DOCK1: variants seen among roughly 807,000 people sequenced by gnomAD.
The protein encoded by DOCK1 is dedicator of cytokinesis 1.
In DOCK1, 138 loss-of-function variants were observed where a neutral mutation model predicts 262.7. The ratio of observed to expected loss-of-function variants is 0.53; its 90% CI spans 0.46 to 0.61. The LOEUF (loss-of-function observed/expected upper bound fraction) is 0.61, where lower values mean the gene tolerates loss of function less well. DOCK1 is among the 20% of genes least tolerant of loss of function. The pLI is 0.00. For missense variants in DOCK1, 1,908 were observed against 2,370.7 expected (o/e 0.80, Z 4.05); for synonymous variants, 866 against 867.4 (o/e 1.00, Z 0.03).
intron 27 of DOCK1, among the ~76,000 whole-genome samples, chr10:127,240,277 T>TC (rs1371027628): frequency 3.3e-5 from 5 of 150,974 alleles, no homozygotes; most frequent in African/African-American, 1.2e-4. Flanking sequence ...TTGGCTTTTT[T>TC]TTTTTTTAAC....
At chr10:127,428,011 C>G (rs556556452) in intron 47 of DOCK1, among the ~76,000 whole-genome samples, 29 of 152,362 alleles carry the variant, frequency 1.9e-4, no homozygotes, top group African/African-American at 6.7e-4. Context: ...CTCTGTCCTT[C>G]AAGGCTGGGC....
intron 11 of DOCK1, among the ~76,000 whole-genome samples, chr10:127,009,046 A>G (rs1265457663): frequency 2.0e-5 from 3 of 152,212 alleles, no homozygotes; most frequent in South Asian, 4.1e-4. Flanking sequence ...GAATTGCCTT[A>G]TATAGAAGGC....
chr10:127,306,100 C>T (rs1467979078), intron 29 of DOCK1, among the ~76,000 whole-genome samples: 1 of 151,612 alleles, frequency 6.6e-6, no homozygotes, highest in Non-Finnish European at 1.5e-5. Context: ...CTGCAACCTC[C>T]GCCTCCCAGG....
intron 24 of DOCK1, among the ~76,000 whole-genome samples, chr10:127,109,149 T>C (rs2048718147): frequency 6.6e-6 from 1 of 152,234 alleles, no homozygotes; most frequent in African/African-American, 2.4e-5. Context: ...TTTTATCTAC[T>C]CGTCCCCCTC....
intron 27 of DOCK1, chr10:127,192,521 A>G (rs796868009): frequency 1.1e-4 from 17 of 152,320 alleles, no homozygotes; most frequent in African/African-American, 2.9e-4. Context: ...ATACACCTCA[A>G]AGTCCCTCAA....
chr10:127,418,339 C>A, intron 44 of DOCK1, 26 bp from the exon 45 acceptor site: 1 of 1,577,876 alleles, frequency 6.3e-7, no homozygotes, highest in South Asian at 1.2e-5. Flanking sequence ...GTGGGGCTGA[C>A]ATCGGGCTCT....
In DOCK1 at chr10:127,433,320, G is replaced by A. The variant is rs755946295; in HGVS notation, c.4952G>A (p.Arg1651Gln). The A allele has an allele frequency of 1.7e-5, 27 of 1,613,790 alleles. No individual in the cohort carries two copies. Among genetic ancestry groups the A allele is most frequent in the African/African-American group, 1.6e-4 (12 of 74,898 alleles). Residue 1651 changes from arginine to glutamine, a missense_variant, in exon 48 of 52, where the codon CGG (arginine) becomes CAG (glutamine). This residue lies in a region of DOCK1 where 383 missense variants were observed against 420.1 expected (regional missense o/e 0.91). Transcript: ENST00000623213. ...SLDDRRGSRPRSMVRSFTMPS... is the reference protein window; with the variant it reads ...SLDDRRGSRPQSMVRSFTMPS... ...GATGATAGAAGAGGCAGCCGCCCCC[G>A]GTCCATGGTGCGGTCCTTCACGATG...
chr10:126,955,582 G>A (rs1252899530), intron 1 of DOCK1, among the ~76,000 whole-genome samples: 1 of 152,180 alleles, frequency 6.6e-6, no homozygotes, highest in African/African-American at 2.4e-5. Flanking sequence ...TAAGCTGCTG[G>A]GGAAGACAGG....
intron 22 of DOCK1, among the ~76,000 whole-genome samples, chr10:127,055,396 ATTC>A (rs1238429413): frequency 7.2e-5 from 11 of 152,194 alleles, no homozygotes; most frequent in African/African-American, 2.7e-4. Flanking sequence ...TGTGCCAGCT[ATTC>A]TTCTTTGAAA....
intron 29 of DOCK1, among the ~76,000 whole-genome samples, chr10:127,270,993 G>A (rs926090083): frequency 8.3e-5 from 6 of 72,072 alleles, no homozygotes; most frequent in African/African-American, 2.1e-4. Flanking sequence ...AGTTATATAT[G>A]TGTGTATGTG....
chr10:126,972,443 T>A (rs961640371), intron 2 of DOCK1, among the ~76,000 whole-genome samples: 1 of 152,200 alleles, frequency 6.6e-6, no homozygotes, highest in Non-Finnish European at 1.5e-5. Context: ...TTGTGTTTTC[T>A]TATTGTTGTC....
At chr10:127,019,985 T>C (rs1483733163) in intron 13 of DOCK1, among the ~76,000 whole-genome samples, 1 of 152,208 alleles carries the variant, frequency 6.6e-6, no homozygotes, top group Non-Finnish European at 1.5e-5. Flanking sequence ...CTTACTTTAG[T>C]GCAACTTCAA....
intron 29 of DOCK1, among the ~76,000 whole-genome samples, chr10:127,319,502 G>A (rs190960273): frequency 7.2e-5 from 11 of 152,358 alleles, no homozygotes; most frequent in Non-Finnish European, 1.3e-4. Context: ...TAAGAAGGTA[G>A]ACGATCATTA....
At chr10:127,337,272 G>GGTC (rs1355716628) in intron 29 of DOCK1, among the ~76,000 whole-genome samples, 1 of 152,044 alleles carries the variant, frequency 6.6e-6, no homozygotes, top group Non-Finnish European at 1.5e-5. Context: ...AGTTACCAAG[G>GGTC]GTCAGGTGGG....
chr10:127,026,791 AC>A (rs2042895356), intron 16 of DOCK1, among the ~76,000 whole-genome samples: 1 of 152,032 alleles, frequency 6.6e-6, no homozygotes, highest in Non-Finnish European at 1.5e-5. Flanking sequence ...GAAATCTTGA[AC>A]CCTTTTTGTC....
intron 27 of DOCK1, among the ~76,000 whole-genome samples, chr10:127,187,286 A>G (rs1376196096): frequency 6.6e-6 from 1 of 152,254 alleles, no homozygotes; most frequent in African/African-American, 2.4e-5. Context: ...TGTGGAAAAG[A>G]GAAAGAGAAC....
intron 27 of DOCK1, among the ~76,000 whole-genome samples, chr10:127,191,177 G>A (rs532994542): frequency 8.5e-5 from 13 of 152,182 alleles, no homozygotes; most frequent in South Asian, 2.1e-4. Context: ...CATCACCCAC[G>A]AAGTGAGCCG....
intron 2 of DOCK1, among the ~76,000 whole-genome samples, chr10:126,976,257 C>T (rs2038534001): frequency 6.6e-6 from 1 of 152,176 alleles, no homozygotes; most frequent in African/African-American, 2.4e-5. Context: ...GATAATCCTT[C>T]AAATGTGTGG....
chr10:127,388,325 C>G (rs779217642), intron 38 of DOCK1, among the ~76,000 whole-genome samples: 126 of 152,190 alleles, frequency 8.3e-4, no homozygotes, highest in Non-Finnish European at 1.6e-3. Flanking sequence ...AAAGCCACTT[C>G]TGAATATCCA....
Sources: allele counts gnomAD v4.1 joint callset (sites outside exome capture counted in the v4.1 genomes callset), GRCh38; gene constraint gnomAD v4.1.1; regional missense constraint gnomAD v4.1.1; transcripts MANE v1.5; gene names NCBI Gene and HGNC (gene_info 2026-07-23, HGNC 2026-07-21).